Variants in NALF1 observed in about 807,000 individuals in gnomAD.
NALF1 encodes family with sequence similarity 155 member A.
In NALF1, 3 loss-of-function variants were observed where a neutral mutation model predicts 48.4. That is an observed-to-expected ratio of 0.06 (90% CI 0.03 to 0.16). The LOEUF (loss-of-function observed/expected upper bound fraction) is 0.16, where lower values mean the gene tolerates loss of function less well. NALF1 is among the 10% of genes least tolerant of loss of function. The pLI is 1.00. For missense variants in NALF1, 526 were observed against 571.5 expected (o/e 0.92, Z 0.81); for synonymous variants, 262 against 245.7 (o/e 1.07, Z -0.62).
At chr13:107,819,468 C>T (rs183468192) in intron 1 of NALF1, among the ~76,000 whole-genome samples, 1 of 151,488 alleles carries the variant, frequency 6.6e-6, no homozygotes, top group African/African-American at 2.4e-5. Flanking sequence ...GGTGGGACGC[C>T]CCATGCTCTA....
At chr13:107,754,043 T>G (rs2138555185) in intron 1 of NALF1, among the ~76,000 whole-genome samples, 1 of 152,050 alleles carries the variant, frequency 6.6e-6, no homozygotes, top group Admixed American at 6.5e-5. Flanking sequence ...CAGCTGAAAA[T>G]AAAGAGATTT....
chr13:107,406,311 A>C (rs974540110), intron 1 of NALF1, among the ~76,000 whole-genome samples: 9 of 152,224 alleles, frequency 5.9e-5, no homozygotes, highest in African/African-American at 2.2e-4. Context: ...GGATAAAAAA[A>C]GACCCAATGA....
intron 1 of NALF1, among the ~76,000 whole-genome samples, chr13:107,677,653 A>G (rs1566440250): frequency 6.6e-6 from 1 of 152,244 alleles, no homozygotes; most frequent in Non-Finnish European, 1.5e-5. Flanking sequence ...GAGATATAAT[A>G]AACTGTCAAG....
Position 107,656,756 on chromosome 13 carries a change from C to T in NALF1, c.915+208926G>A, listed in dbSNP as rs149814359. ...TGCAATTGCAAAAATATAGGACCAG[C>T]CCAAATGTCTATCAATCAATGAGTG... On this transcript the variant is annotated intron_variant, in intron 1 of 2. Transcript: ENST00000375915. Among the ~76,000 whole-genome samples, 4 of 152,216 alleles carry T rather than the reference C, an allele frequency of 2.6e-5. No homozygotes were observed. In the East Asian group the frequency reaches 7.7e-4, roughly 29 times the overall value.
At chr13:107,425,972 T>A (rs1031102036) in intron 1 of NALF1, among the ~76,000 whole-genome samples, 8 of 152,322 alleles carry the variant, frequency 5.3e-5, no homozygotes, top group Middle Eastern at 3.4e-3. Flanking sequence ...TACTTTGATA[T>A]TAGATATCTC....
At chr13:107,213,230 CAAAA>C (rs386380636) in intron 1 of NALF1, among the ~76,000 whole-genome samples, 4,337 of 103,378 alleles carry the variant, frequency 0.042, 111 homozygotes, top group Non-Finnish European at 0.054. Context: ...TTTTTTAACT[CAAAA>C]AAAAAAAAAA....
chr13:107,347,554 A>G (rs966863688), intron 1 of NALF1, among the ~76,000 whole-genome samples: 1 of 152,170 alleles, frequency 6.6e-6, no homozygotes, highest in Non-Finnish European at 1.5e-5. Context: ...AAATTCCATC[A>G]TCTTCTCTTT....
chr13:107,341,461 T>G (rs1049824609), intron 1 of NALF1, among the ~76,000 whole-genome samples: 1 of 152,096 alleles, frequency 6.6e-6, no homozygotes, highest in Non-Finnish European at 1.5e-5. Flanking sequence ...GGATTCCTAC[T>G]ATGCTACTTG....
At chr13:107,667,614 T>C (rs976725498) in intron 1 of NALF1, among the ~76,000 whole-genome samples, 1 of 152,142 alleles carries the variant, frequency 6.6e-6, no homozygotes, top group African/African-American at 2.4e-5. Flanking sequence ...GAAAGTGCAG[T>C]GTTAATATTC....
intron 1 of NALF1, among the ~76,000 whole-genome samples, chr13:107,441,324 C>A (rs1355041555): frequency 6.6e-6 from 1 of 152,140 alleles, no homozygotes; most frequent in African/African-American, 2.4e-5. Flanking sequence ...ATTTCTATGA[C>A]TAGACTGGAT....
intron 1 of NALF1, among the ~76,000 whole-genome samples, chr13:107,499,333 T>C (rs1191573111): frequency 6.6e-6 from 1 of 152,138 alleles, no homozygotes; most frequent in African/African-American, 2.4e-5. Context: ...AAAAGTTATA[T>C]ATACAATAAA....
At chr13:107,222,683 C>T (rs953805800) in intron 1 of NALF1, among the ~76,000 whole-genome samples, 1 of 152,188 alleles carries the variant, frequency 6.6e-6, no homozygotes, top group Non-Finnish European at 1.5e-5. Context: ...TGAGCACTTG[C>T]TTGAATTATG....
At chr13:107,799,806 C>T (rs1438985196) in intron 1 of NALF1, among the ~76,000 whole-genome samples, 1 of 152,066 alleles carries the variant, frequency 6.6e-6, no homozygotes, top group African/African-American at 2.4e-5. Context: ...TTCAGGTTCC[C>T]TTTACTTTGT....
chr13:107,705,203 G>A (rs895340524), intron 1 of NALF1, among the ~76,000 whole-genome samples: 2 of 152,148 alleles, frequency 1.3e-5, no homozygotes, highest in East Asian at 1.9e-4. Context: ...AGACCCAAAT[G>A]TAGCTTTGTC....
intron 1 of NALF1, among the ~76,000 whole-genome samples, chr13:107,268,472 C>T (rs562765763): frequency 3.9e-5 from 6 of 152,102 alleles, no homozygotes; most frequent in South Asian, 2.1e-4. Flanking sequence ...AGTAGAAACA[C>T]GAATATGATT....
chr13:107,212,735 G>C (rs968859996), intron 1 of NALF1, among the ~76,000 whole-genome samples: 1 of 152,200 alleles, frequency 6.6e-6, no homozygotes, highest in Non-Finnish European at 1.5e-5. Context: ...AATGAGCCAT[G>C]TATCCTCTGA....
chr13:107,722,276 C>T (rs1876009696), intron 1 of NALF1, among the ~76,000 whole-genome samples: 1 of 152,142 alleles, frequency 6.6e-6, no homozygotes, highest in Non-Finnish European at 1.5e-5. Flanking sequence ...AAGGGAGAAA[C>T]TCTGAGAACC....
chr13:107,841,153 T>C (rs1880033532), intron 1 of NALF1, among the ~76,000 whole-genome samples: 1 of 152,192 alleles, frequency 6.6e-6, no homozygotes, highest in African/African-American at 2.4e-5. Flanking sequence ...AGATATTTTT[T>C]AAAATTTGTT....
chr13:107,661,089 C>T (rs1880725324), intron 1 of NALF1, among the ~76,000 whole-genome samples: 2 of 152,136 alleles, frequency 1.3e-5, no homozygotes, highest in Admixed American at 1.3e-4. Flanking sequence ...GATTGGAGCA[C>T]CTCTCAAACA....
Sources: gnomAD v4.1 joint callset for allele counts (sites outside exome capture counted in the v4.1 genomes callset) on GRCh38, gnomAD v4.1.1 for gene constraint, MANE v1.5 for transcripts, NCBI Gene and HGNC (gene_info 2026-07-23, HGNC 2026-07-21) for gene names.